The following PRKD1 variants were observed in gnomAD, a reference collection of about 807,000 sequenced individuals.
The protein encoded by PRKD1 is protein kinase D1.
Under a neutral mutation model 95.9 loss-of-function variants are expected in PRKD1, and 63 were observed. That is an observed-to-expected ratio of 0.66 (90% CI 0.54 to 0.81). PRKD1 has a LOEUF of 0.81. Ranked by LOEUF, PRKD1 falls within the 30% of genes least tolerant of loss-of-function variation. The probability of loss-of-function intolerance (pLI) is 0.00; values close to 1 mark genes in which losing one functional copy is unlikely to be tolerated. For synonymous variants in PRKD1, 425 were observed against 423.1 expected (o/e 1.00, Z -0.05); for missense variants, 1,048 against 1,165.3 (o/e 0.90, Z 1.47).
At chr14:29,916,341 T>C (rs1894886843) in intron 1 of PRKD1, among the ~76,000 whole-genome samples, 1 of 152,320 alleles carries the variant, frequency 6.6e-6, no homozygotes, top group South Asian at 2.1e-4. Flanking sequence ...GGCCATTTCT[T>C]CTGGCTCTAG....
At chr14:29,863,991 C>T (rs1353629573) in intron 1 of PRKD1, among the ~76,000 whole-genome samples, 1 of 152,012 alleles carries the variant, frequency 6.6e-6, no homozygotes, top group Non-Finnish European at 1.5e-5. Context: ...TGAAGTTAAA[C>T]AGTATGATAT....
At chr14:29,615,859 C>G (rs998224243) in intron 13 of PRKD1, among the ~76,000 whole-genome samples, 4 of 152,006 alleles carry the variant, frequency 2.6e-5, no homozygotes, top group South Asian at 4.2e-4. Flanking sequence ...GCAAAATACA[C>G]AAAGGGAGAG....
In PRKD1 at chr14:29,609,043, T is replaced by C. The variant is rs45458796; in HGVS notation, c.1906-9226A>G. On this transcript the variant is annotated intron_variant, in intron 13 of 17. Transcript: ENST00000331968. The stretch of plus-strand genomic sequence containing the variant: ...CCACCCTCTTGTGAACAGGTGTCAC[T>C]GGTTGACTGTTACATCAACGAGGTC... Among the ~76,000 whole-genome samples, 185 of 152,324 alleles carry C rather than the reference T, an allele frequency of 1.2e-3. 1 individual carries two copies. Among genetic ancestry groups the C allele is most frequent in the African/African-American group, 3.9e-3 (161 of 41,568 alleles).
chr14:29,826,756 T>C (rs183185782), intron 1 of PRKD1, among the ~76,000 whole-genome samples: 960 of 37,924 alleles, frequency 0.025, 104 homozygotes, highest in Admixed American at 0.041. Flanking sequence ...CATATATATA[T>C]ACATATATAT....
chr14:29,674,628 G>A (rs1463222865), intron 2 of PRKD1, among the ~76,000 whole-genome samples: 1 of 152,202 alleles, frequency 6.6e-6, no homozygotes, highest in Non-Finnish European at 1.5e-5. Flanking sequence ...TAGAGGGAAA[G>A]AAAGGTCAAA....
rs189986142 is a variant in PRKD1, at chr14:29,668,546, G to A, written c.404-2338C>T. On this transcript the variant is annotated intron_variant, in intron 2 of 17. Transcript: ENST00000331968. ...ATGACATGCTTTTCTTAGTCATTGA[G>A]CATTTGAAACAGGTAATTGAGCCAA... 2.0e-5 allele frequency among the ~76,000 whole-genome samples: 3 copies of A among 152,284 alleles called. No homozygotes were observed. The East Asian group carries it at 5.8e-4, about 29-fold the overall frequency.
intron 1 of PRKD1, among the ~76,000 whole-genome samples, chr14:29,893,331 G>A (rs1442284481): frequency 6.6e-6 from 1 of 151,496 alleles, no homozygotes; most frequent in Non-Finnish European, 1.5e-5. Flanking sequence ...AATAACCAAA[G>A]TTATTCTTTC....
chr14:29,812,305 T>C (rs142443183), intron 1 of PRKD1, among the ~76,000 whole-genome samples: 2 of 152,332 alleles, frequency 1.3e-5, no homozygotes, highest in African/African-American at 4.8e-5. Context: ...AAATTACCTA[T>C]ACCTAGATAT....
chr14:29,770,037 G>A (rs1385388013), intron 1 of PRKD1, among the ~76,000 whole-genome samples: 3 of 152,122 alleles, frequency 2.0e-5, no homozygotes, highest in Non-Finnish European at 4.4e-5. Context: ...AAGCCTGAAG[G>A]AACCTGTTTG....
chr14:29,830,475 G>A (rs1012651220), intron 1 of PRKD1, among the ~76,000 whole-genome samples: 2 of 151,932 alleles, frequency 1.3e-5, no homozygotes. Flanking sequence ...GTCTACCCAG[G>A]ATGTACTCTG....
At position 29,637,168 on chromosome 14, in the gene PRKD1, GA is replaced by G. The variant is rs1468396401; in HGVS notation, c.986-675del. 5.3e-5 allele frequency among the ~76,000 whole-genome samples: 8 copies of G among 151,434 alleles called. No homozygotes were observed. In the South Asian group the frequency reaches 8.3e-4, roughly 16 times the overall value. On this transcript the variant is annotated intron_variant, in intron 6 of 17. Transcript: ENST00000331968. ...TATTTTAGAAGCACAGCCCTGGTGG[GA>G]AAAAAAAGTATGTAAGAGGATGACA...
At chr14:29,775,098 C>A (rs1888677512) in intron 1 of PRKD1, among the ~76,000 whole-genome samples, 1 of 151,926 alleles carries the variant, frequency 6.6e-6, no homozygotes, top group Admixed American at 6.6e-5. Flanking sequence ...GAAACAAATT[C>A]TTGTCTGATT....
chr14:29,691,748 A>C (rs1884249745), intron 2 of PRKD1, among the ~76,000 whole-genome samples: 2 of 152,188 alleles, frequency 1.3e-5, no homozygotes, highest in Admixed American at 6.5e-5. Context: ...AATTAGTTGG[A>C]TTAGGTATGT....
At chr14:29,780,157 A>C (rs1292271919) in intron 1 of PRKD1, among the ~76,000 whole-genome samples, 1 of 152,228 alleles carries the variant, frequency 6.6e-6, no homozygotes, top group Non-Finnish European at 1.5e-5. Flanking sequence ...TTAAAGACTT[A>C]AATATTAGAC....
chr14:29,671,282 C>T (rs1882827632), intron 2 of PRKD1, among the ~76,000 whole-genome samples: 1 of 152,070 alleles, frequency 6.6e-6, no homozygotes, highest in African/African-American at 2.4e-5. Flanking sequence ...GCCCAGGGAA[C>T]TGTCTGATGA....
chr14:29,891,016 C>T (rs2139412781), intron 1 of PRKD1, among the ~76,000 whole-genome samples: 1 of 152,104 alleles, frequency 6.6e-6, no homozygotes, highest in South Asian at 2.1e-4. Flanking sequence ...AGAGAGAATC[C>T]TTACCAAAAA....
intron 2 of PRKD1, among the ~76,000 whole-genome samples, chr14:29,698,510 G>A (rs1248884387): frequency 6.6e-6 from 1 of 152,082 alleles, no homozygotes; most frequent in Non-Finnish European, 1.5e-5. Context: ...TGTCATATAA[G>A]TTTAAATAGT....
intron 4 of PRKD1, among the ~76,000 whole-genome samples, chr14:29,644,024 T>G (rs576444510): frequency 6.6e-6 from 1 of 152,300 alleles, no homozygotes; most frequent in East Asian, 1.9e-4. Flanking sequence ...TAAGCTCCTA[T>G]GGAAGAACAA....
intron 16 of PRKD1, among the ~76,000 whole-genome samples, chr14:29,596,673 T>C (rs1218075043): frequency 3.3e-5 from 5 of 152,102 alleles, no homozygotes; most frequent in African/African-American, 9.7e-5. Context: ...CAAGCTGATC[T>C]TGAACCTCTG....
Sources: gnomAD v4.1 joint callset for allele counts (sites outside exome capture counted in the v4.1 genomes callset) on GRCh38, gnomAD v4.1.1 for gene constraint, MANE v1.5 for transcripts, NCBI Gene and HGNC (gene_info 2026-07-23, HGNC 2026-07-21) for gene names.